Variants in TP63 observed in about 807,000 individuals in gnomAD.
TP63 encodes the protein tumor protein p63.
In TP63, 17 loss-of-function variants were observed where a neutral mutation model predicts 82.8. The ratio of observed to expected loss-of-function variants is 0.21; its 90% CI spans 0.14 to 0.31. The LOEUF is 0.31. TP63 is among the 10% of genes least tolerant of loss of function. The probability of loss-of-function intolerance (pLI) is 1.00; values close to 1 mark genes in which losing one functional copy is unlikely to be tolerated. For synonymous variants in TP63, 330 were observed against 321.7 expected (o/e 1.03, Z -0.28); for missense variants, 648 against 895.3 (o/e 0.72, Z 3.52).
At chr3:189,807,905 A>G (rs1443782516) in intron 3 of TP63, among the ~76,000 whole-genome samples, 2 of 152,206 alleles carry the variant, frequency 1.3e-5, no homozygotes, top group East Asian at 3.8e-4. Context: ...ACCCCCACCA[A>G]CAACCTCAAA....
rs140324154 is a variant in TP63, at chr3:189,668,685, G to A, written c.62+37108G>A. 4.4e-4 allele frequency among the ~76,000 whole-genome samples: 67 copies of A among 152,134 alleles called. No individual in the cohort carries two copies. The East Asian group carries it at 0.013, about 29-fold the overall frequency. The stretch of plus-strand genomic sequence containing the variant: ...AAATGTTTAACTAATATCCTAGAAA[G>A]ACAAGTGAGAAAGGGGTGAAAAAAG... On this transcript the variant is annotated intron_variant, in intron 1 of 13. Transcript: ENST00000264731.
chr3:189,762,682 T>G (rs1722666516), intron 3 of TP63, among the ~76,000 whole-genome samples: 3 of 152,322 alleles, frequency 2.0e-5, no homozygotes, highest in South Asian at 2.1e-4. Flanking sequence ...ATCTCTTCCT[T>G]GGCAAAAGAA....
intron 3 of TP63, among the ~76,000 whole-genome samples, chr3:189,787,554 A>C (rs1724710618): frequency 6.6e-6 from 1 of 152,070 alleles, no homozygotes; most frequent in African/African-American, 2.4e-5. Flanking sequence ...ATTTGGATTC[A>C]TGCTGATAGC....
At chr3:189,892,905 C>T (rs1721165114) in intron 13 of TP63, among the ~76,000 whole-genome samples, 1 of 152,136 alleles carries the variant, frequency 6.6e-6, no homozygotes, top group African/African-American at 2.4e-5. Context: ...AAATTCACAC[C>T]ATAGGAAAAT....
chr3:189,610,019 C>A, the TP63 span, among the ~76,000 whole-genome samples: 14 of 152,280 alleles, frequency 9.2e-5, no homozygotes, highest in South Asian at 1.0e-3. Context: ...GTTCCCTTTT[C>A]TCAGCAATCT....
the TP63 span, among the ~76,000 whole-genome samples, chr3:189,611,854 G>T: frequency 0.038 from 5,739 of 152,190 alleles, 127 homozygotes; most frequent in Middle Eastern, 0.065. Flanking sequence ...TCCCTGGTTA[G>T]CTGTATTCTT....
At chr3:189,743,568 A>G (rs1336032227) in intron 3 of TP63, among the ~76,000 whole-genome samples, 1 of 151,678 alleles carries the variant, frequency 6.6e-6, no homozygotes, top group Non-Finnish European at 1.5e-5. Context: ...AGCATTGTTT[A>G]TAATAACTAA....
intron 4 of TP63, among the ~76,000 whole-genome samples, chr3:189,858,437 T>C (rs1332991106): frequency 6.6e-6 from 1 of 151,298 alleles, no homozygotes; most frequent in Admixed American, 6.6e-5. Context: ...AAAGAAAATG[T>C]TGTGTATATG....
chr3:189,604,734 A>G, the TP63 span, among the ~76,000 whole-genome samples: 2 of 152,184 alleles, frequency 1.3e-5, no homozygotes, highest in South Asian at 2.1e-4. Context: ...ACTATATCTT[A>G]TTTTGTTACT....
At chr3:189,846,686 T>C (rs1714926884) in intron 4 of TP63, among the ~76,000 whole-genome samples, 1 of 134,870 alleles carries the variant, frequency 7.4e-6, no homozygotes, top group Non-Finnish European at 1.6e-5. Flanking sequence ...CACATTCTTT[T>C]TTTTTTTTTT....
the TP63 span, among the ~76,000 whole-genome samples, chr3:189,607,593 G>T: frequency 2.6e-5 from 4 of 151,484 alleles, no homozygotes. Flanking sequence ...AGTTTAAAAT[G>T]GTAATTATGA....
intron 1 of TP63, among the ~76,000 whole-genome samples, chr3:189,662,206 T>C (rs934050696): frequency 1.3e-5 from 2 of 152,116 alleles, no homozygotes; most frequent in African/African-American, 2.4e-5. Context: ...TGTTTAGCAC[T>C]ATAAACATTC....
intron 1 of TP63, among the ~76,000 whole-genome samples, chr3:189,704,557 A>G (rs1718059597): frequency 6.6e-6 from 1 of 152,202 alleles, no homozygotes; most frequent in Admixed American, 6.5e-5. Context: ...TCAAAGTTGT[A>G]TGAGAGCAGT....
chr3:189,748,524 A>G (rs1721553708), intron 3 of TP63, among the ~76,000 whole-genome samples: 1 of 150,664 alleles, frequency 6.6e-6, no homozygotes, highest in Admixed American at 6.6e-5. Flanking sequence ...AAAAAAAAAA[A>G]AAAAAAAAAG....
intron 3 of TP63, among the ~76,000 whole-genome samples, chr3:189,786,868 A>G (rs1724645101): frequency 6.6e-6 from 1 of 152,086 alleles, no homozygotes; most frequent in African/African-American, 2.4e-5. Flanking sequence ...GGTGGTTAGA[A>G]AATTAATGCA....
intron 3 of TP63, among the ~76,000 whole-genome samples, chr3:189,792,050 T>A (rs1725195075): frequency 6.6e-6 from 1 of 152,118 alleles, no homozygotes; most frequent in Non-Finnish European, 1.5e-5. Flanking sequence ...TTCAAATAAA[T>A]TTATAGTTTA....
intron 1 of TP63, among the ~76,000 whole-genome samples, chr3:189,688,415 AACAG>A (rs778367258): frequency 3.9e-5 from 6 of 152,170 alleles, no homozygotes; most frequent in Non-Finnish European, 5.9e-5. Flanking sequence ...CTTGATTATA[AACAG>A]ACAGTTGGTT....
chr3:189,602,996 AT>A, the TP63 span, among the ~76,000 whole-genome samples: 1 of 152,182 alleles, frequency 6.6e-6, no homozygotes, highest in Non-Finnish European at 1.5e-5. Flanking sequence ...AAACTTTTAA[AT>A]TCATTTTGAA....
chr3:189,732,412 A>G (rs1720239326), intron 1 of TP63, among the ~76,000 whole-genome samples: 1 of 152,182 alleles, frequency 6.6e-6, no homozygotes, highest in South Asian at 2.1e-4. Flanking sequence ...TTACAGATGG[A>G]AGGGAGGGAT....
Sources: gnomAD v4.1 joint callset for allele counts (sites outside exome capture counted in the v4.1 genomes callset) on GRCh38, gnomAD v4.1.1 for gene constraint, MANE v1.5 for transcripts, NCBI Gene and HGNC (gene_info 2026-07-23, HGNC 2026-07-21) for gene names.